Variants in YTHDF1 observed in about 807,000 individuals in gnomAD.
The protein encoded by YTHDF1 is YTH domain-containing family protein 1.
Under a neutral mutation model 49.1 loss-of-function variants are expected in YTHDF1, and 16 were observed. The observed-to-expected ratio is 0.33, with a 90% CI of 0.22 to 0.49. The LOEUF is 0.49. Among genes scored for constraint, YTHDF1 ranks in the 20% least tolerant of loss-of-function variants. The probability of loss-of-function intolerance (pLI) is 0.99; values close to 1 mark genes in which losing one functional copy is unlikely to be tolerated. For synonymous variants in YTHDF1, 313 were observed against 290.1 expected, an observed-to-expected ratio of 1.08 and a Z score of -0.80; for missense variants, 621 against 744.3, an observed-to-expected ratio of 0.83 and a Z score of 1.93.
chr20:63,213,002 A>C (rs2066582706), intron 3 of YTHDF1, among the ~76,000 whole-genome samples: 1 of 152,244 alleles, frequency 6.6e-6, no homozygotes, highest in African/African-American at 2.4e-5. Context: ...GTACTGTCTC[A>C]GCGCTTTATG....
Position 63,202,445 on chromosome 20 carries a change from T to C in YTHDF1, c.1495A>G (p.Asn499Asp). The C allele has an allele frequency of 6.2e-7, 1 of 1,613,820 alleles. No homozygotes were observed. Among genetic ancestry groups the C allele is most frequent in the Non-Finnish European group, 8.5e-7 (1 of 1,179,660 alleles). Reference protein sequence around the residue: ...LRHIRLENNDNKPVTNSRDTQ... With the variant: ...LRHIRLENNDDKPVTNSRDTQ... ...TCCCGGGAGTTTGTGACCGGTTTGTTGTCGTTATTCTCCAGCCTGATGTGC... is the reference window on the plus strand; with the variant it reads ...TCCCGGGAGTTTGTGACCGGTTTGTCGTCGTTATTCTCCAGCCTGATGTGC... Residue 499 changes from asparagine (N) to aspartate (D), a missense_variant, in exon 4 of 5, where the codon AAC becomes GAC. This residue lies in a region of YTHDF1 where 151 missense variants were observed against 248.5 expected (regional missense o/e 0.61). Transcript: ENST00000370339.
chr20:63,216,028 C>T lies in YTHDF1; in HGVS notation c.-136G>A. The T allele has an allele frequency of 1.3e-6, 1 of 777,386 alleles. No individual in the cohort carries two copies. Among genetic ancestry groups the T allele is most frequent in the Non-Finnish European group, 1.6e-6 (1 of 639,778 alleles). 48.2% of individuals were successfully genotyped at this position (777,386 alleles called of 1,614,324 possible). A position where few individuals can be genotyped will look rare whatever the true frequency, so the allele number is the denominator to read the frequency against. On this transcript the variant is annotated 5_prime_UTR_variant, in exon 1 of 5. Transcript: ENST00000370339. ...CCGGGCGCCGGCCGGGCGGCGGCGG[C>T]GGCTGCTGGGCGCGCGGGCCCCTGG...
At chr20:63,211,960 TACACACAC>T (rs57357558) in intron 3 of YTHDF1, among the ~76,000 whole-genome samples, 11,825 of 143,684 alleles carry the variant, frequency 0.082, 515 homozygotes, top group Middle Eastern at 0.12. Flanking sequence ...GTCTCCAAAA[TACACACAC>T]ACACACACAC....
At chr20:63,205,744 G>C (rs6090297) in intron 3 of YTHDF1, among the ~76,000 whole-genome samples, 6 of 152,066 alleles carry the variant, frequency 3.9e-5, no homozygotes, top group Non-Finnish European at 7.4e-5. Flanking sequence ...CCCAACCTCA[G>C]GTGATCCACC....
In YTHDF1 at chr20:63,203,318, T is replaced by C; in HGVS notation, c.622A>G (p.Ser208Gly). ...SAVKTVGSVVSSVALTGVLSG... is the reference protein window; with the variant it reads ...SAVKTVGSVVGSVALTGVLSG... Reference sequence around the variant, plus strand: ...AGGACACCAGTCAGTGCCACGCTGCTGACGACAGAGCCCACCGTCTTGACG... The same window carrying C: ...AGGACACCAGTCAGTGCCACGCTGCCGACGACAGAGCCCACCGTCTTGACG... The change falls in exon 4 of 5, where the codon AGC becomes GGC. Residue 208 changes from serine (S) to glycine (G), a missense_variant. Ser to Gly is a moderately conservative substitution (Grantham distance 56, BLOSUM62 0). This residue lies in a region of YTHDF1 where 470 missense variants were observed against 495.8 expected (regional missense o/e 0.95). Coordinates refer to ENST00000370339, the MANE Select transcript of YTHDF1 (RefSeq NM_017798.4). This position sits in a 1 kb window ranked among gnomAD's most constrained non-coding sequence, Gnocchi z 4.4. 1 of 1,613,654 alleles carries C rather than the reference T, an allele frequency of 6.2e-7. No individual in the cohort carries two copies. The highest frequency in any genetic ancestry group is 1.7e-5 in the Admixed American group (1 of 60,030).
At position 63,202,297 on chromosome 20, in the gene YTHDF1, ACCT is replaced by A. The variant is rs751397133; in HGVS notation, c.1640_1642del (p.Glu547del). The A allele has an allele frequency of 5.6e-6, 9 of 1,611,958 alleles. No homozygotes were observed. Among genetic ancestry groups the A allele is most frequent in the East Asian group, 2.2e-5 (1 of 44,840 alleles). ...AACACCCAGCCTCACCTTGCGCACCACCTCCTCCTCCTCCTGGCGCTTCTCGTA... is the reference window on the plus strand; with the variant it reads ...AACACCCAGCCTCACCTTGCGCACCACCTCCTCCTCCTGGCGCTTCTCGTA... On this transcript the variant is annotated inframe_deletion, in exon 4 of 5. Coordinates refer to ENST00000370339, the MANE Select transcript of YTHDF1 (RefSeq NM_017798.4).
At chr20:63,198,129 C>T (rs542917103) in intron 4 of YTHDF1, among the ~76,000 whole-genome samples, 1 of 149,586 alleles carries the variant, frequency 6.7e-6, no homozygotes, top group East Asian at 1.9e-4. Context: ...AAACATTCTC[C>T]GTTAAAAAAA....
chr20:63,197,925 C>A (rs1015026903), intron 4 of YTHDF1, among the ~76,000 whole-genome samples: 5 of 152,272 alleles, frequency 3.3e-5, no homozygotes, highest in South Asian at 2.1e-4. Context: ...TTGCTGGGCA[C>A]TGGAATAAAC....
At chr20:63,207,482 C>CAAAAAAAAA (rs557298739) in intron 3 of YTHDF1, among the ~76,000 whole-genome samples, 1 of 149,092 alleles carries the variant, frequency 6.7e-6, no homozygotes, top group Non-Finnish European at 1.5e-5. Context: ...CACCCCCCTC[C>CAAAAAAAAA]AAAAAAAAGA....
At chr20:63,215,831 C>T (rs1489919222) in intron 1 of YTHDF1, 35 bp downstream of exon 1, 4 of 1,453,878 alleles carry the variant, frequency 2.8e-6, no homozygotes, top group South Asian at 2.7e-5. Flanking sequence ...CGCGCCTCGG[C>T]CCCGGCCGCG....
At chr20:63,214,052 T>C (rs1251087935) in intron 2 of YTHDF1, 109 bp from the exon 3 acceptor site, 1 of 1,437,850 alleles carries the variant, frequency 7.0e-7, no homozygotes. Context: ...GCAGAAATTA[T>C]GCTTTAATTT....
chr20:63,215,227 A>T (rs960500577), intron 2 of YTHDF1, among the ~76,000 whole-genome samples: 7 of 152,170 alleles, frequency 4.6e-5, no homozygotes, highest in Admixed American at 2.6e-4. Flanking sequence ...AGAACCTTGG[A>T]CTGCCCCTCT....
In YTHDF1 at chr20:63,202,944, G is replaced by A; in HGVS notation, c.996C>T (p.Arg332=). 1 of 1,614,056 alleles carries A rather than the reference G, an allele frequency of 6.2e-7. No homozygotes were observed. Among genetic ancestry groups the A allele is most frequent in the South Asian group, 1.1e-5 (1 of 91,084 alleles). ...QPPQTRWVAP[R]NRNAAFGQSG... ...TCTGCCCAAACGCCGCGTTTCTGTT[G>A]CGTGGGGCAACCCAGCGGGTCTGGG... is the stretch of plus-strand genomic sequence containing the variant. The change falls in exon 4 of 5, where the codon CGC becomes CGT. Residue 332 remains arginine (R), a synonymous_variant. Coordinates refer to ENST00000370339, the MANE Select transcript of YTHDF1 (RefSeq NM_017798.4).
chr20:63,202,274 C>T lies in YTHDF1; in HGVS notation c.1653+13G>A. 1.2e-6 allele frequency: 2 copies of T among 1,605,142 alleles called. No homozygotes were observed. The highest frequency in any genetic ancestry group is 1.7e-6 in the Non-Finnish European group (2 of 1,174,820). ...ACATCTGCATGGCAGTTGCCTGCAA[C>T]ACCCAGCCTCACCTTGCGCACCACC... is the stretch of plus-strand genomic sequence containing the variant. On this transcript the variant is annotated intron_variant, in intron 4 of 4. Coordinates refer to ENST00000370339, the MANE Select transcript of YTHDF1 (RefSeq NM_017798.4).
intron 3 of YTHDF1, among the ~76,000 whole-genome samples, chr20:63,210,393 T>C (rs2066568501): frequency 6.6e-6 from 1 of 152,174 alleles, no homozygotes; most frequent in South Asian, 2.1e-4. Context: ...TCTTCTAAAC[T>C]CTGAGTAGGA....
intron 4 of YTHDF1, among the ~76,000 whole-genome samples, chr20:63,197,649 CGA>C (rs1426259072): frequency 6.6e-6 from 1 of 152,058 alleles, no homozygotes; most frequent in African/African-American, 2.4e-5. Flanking sequence ...GAGGCTGAGG[CGA>C]GAGGATCGCT....
Position 63,203,647 on chromosome 20 carries a change from T to G in YTHDF1, c.293A>C (p.His98Pro). 1 of 1,614,112 alleles carries G rather than the reference T, an allele frequency of 6.2e-7. No homozygotes were observed. Among genetic ancestry groups the G allele is most frequent in the Non-Finnish European group, 8.5e-7 (1 of 1,180,024 alleles). ...CCCAAAAACAGCATCGTGCATAAAA[T>G]GATGGTCTCCGTTACTGAGCTGTCC... ...TYGQLSNGDH[H>P]FMHDAVFGQP... The change falls in exon 4 of 5, where the codon CAT becomes CCT. Residue 98 changes from histidine to proline, a missense_variant. Coordinates refer to ENST00000370339, the MANE Select transcript of YTHDF1 (RefSeq NM_017798.4). The surrounding 1 kb of genome is among the most constrained non-coding windows in gnomAD (Gnocchi z 4.4).
At chr20:63,207,885 G>A (rs577449730) in intron 3 of YTHDF1, among the ~76,000 whole-genome samples, 4 of 151,922 alleles carry the variant, frequency 2.6e-5, no homozygotes, top group Non-Finnish European at 5.9e-5. Context: ...CAGCTACTCC[G>A]GAGCCTGAGG....
intron 3 of YTHDF1, among the ~76,000 whole-genome samples, chr20:63,207,894 G>C (rs765902904): frequency 4.6e-5 from 7 of 152,036 alleles, no homozygotes; most frequent in Non-Finnish European, 8.8e-5. Flanking sequence ...CGGAGCCTGA[G>C]GCAGGAGAAT....
Sources: gnomAD v4.1 joint callset for allele counts (sites outside exome capture counted in the v4.1 genomes callset) on GRCh38, gnomAD v4.1.1 for gene constraint, gnomAD v4.1.1 regional missense constraint, Gnocchi (gnomAD v3.1) non-coding constraint, MANE v1.5 for transcripts, NCBI Gene and HGNC (gene_info 2026-07-23, HGNC 2026-07-21) for gene names.